The following DCLRE1C variants were observed in gnomAD, a reference collection of about 807,000 sequenced individuals.
The protein encoded by DCLRE1C is protein artemis.
Under a neutral mutation model 61.4 loss-of-function variants are expected in DCLRE1C, and 47 were observed. The observed-to-expected ratio is 0.77, with a 90% CI of 0.61 to 0.98. The LOEUF (loss-of-function observed/expected upper bound fraction) is 0.98. Among genes scored for constraint, DCLRE1C ranks in the 50% least tolerant of loss-of-function variants. DCLRE1C has a pLI of 0.00. For missense variants in DCLRE1C, 858 were observed against 816.0 expected (o/e 1.05, Z -0.63); for synonymous variants, 337 against 287.6 (o/e 1.17, Z -1.74).
At chr10:14,898,856 C>G (rs1833788566) in exon 14 of DCLRE1C, 1 of 196,638 alleles carries the variant, frequency 5.1e-6, no homozygotes, top group African/African-American at 2.3e-5. Context: ...CCATTTGTAA[C>G]TGCATATATA....
chr10:14,950,470 C>T (rs1177885182), intron 1 of DCLRE1C, among the ~76,000 whole-genome samples: 2 of 151,834 alleles, frequency 1.3e-5, no homozygotes, highest in Non-Finnish European at 2.9e-5. Flanking sequence ...ATTTATATGT[C>T]GTGTGGCCAT....
At chr10:14,928,642 C>G (rs538869351) in intron 9 of DCLRE1C, among the ~76,000 whole-genome samples, 1 of 152,238 alleles carries the variant, frequency 6.6e-6, no homozygotes, top group Non-Finnish European at 1.5e-5. Flanking sequence ...GAGCCACAGG[C>G]TGAAGGATTT....
intron 2 of DCLRE1C, 27 bp from the exon 3 acceptor site, chr10:14,945,216 C>T (rs1407448456): frequency 6.3e-7 from 1 of 1,594,452 alleles, no homozygotes; most frequent in Non-Finnish European, 8.6e-7. Flanking sequence ...AAAAAACTTT[C>T]AGTACAATCC....
exon 14 of DCLRE1C, chr10:14,897,628 T>C (rs1788876735): frequency 1.0e-6 from 1 of 952,498 alleles, no homozygotes; most frequent in Non-Finnish European, 1.4e-6. Flanking sequence ...TATTTTCATT[T>C]GCAGATATGT....
chr10:14,910,631 C>CT (rs1835100434), intron 13 of DCLRE1C, among the ~76,000 whole-genome samples: 2 of 152,134 alleles, frequency 1.3e-5, no homozygotes, highest in Admixed American at 1.3e-4. Context: ...TGTATGATCT[C>CT]TAAGTTGAAC....
intron 1 of DCLRE1C, among the ~76,000 whole-genome samples, chr10:14,951,991 G>A (rs2131209055): frequency 6.6e-6 from 1 of 152,320 alleles, no homozygotes; most frequent in Admixed American, 6.5e-5. Context: ...CCCTTGATGA[G>A]TTTATGTCCT....
intron 13 of DCLRE1C, among the ~76,000 whole-genome samples, chr10:14,912,016 A>C (rs985336062): frequency 6.6e-6 from 1 of 152,250 alleles, no homozygotes; most frequent in African/African-American, 2.4e-5. Flanking sequence ...AATGTTTGGC[A>C]GTTCCTTGGA....
chr10:14,925,373 A>G (rs2130814901), intron 11 of DCLRE1C, among the ~76,000 whole-genome samples: 1 of 152,274 alleles, frequency 6.6e-6, no homozygotes, highest in Non-Finnish European at 1.5e-5. Flanking sequence ...ACTCCCTTTT[A>G]TCAAATGCCT....
chr10:14,921,189 G>A (rs1392756770), intron 12 of DCLRE1C, among the ~76,000 whole-genome samples: 44 of 151,900 alleles, frequency 2.9e-4, no homozygotes, highest in Admixed American at 5.9e-4. Flanking sequence ...GCGTGGTCGC[G>A]GGCGCCTGTA....
At chr10:14,929,000 G>A (rs927334538) in intron 9 of DCLRE1C, among the ~76,000 whole-genome samples, 4 of 151,968 alleles carry the variant, frequency 2.6e-5, no homozygotes, top group Non-Finnish European at 5.9e-5. Context: ...GGCTGGTCTC[G>A]AACTCCTGAC....
chr10:14,943,726 T>C (rs1472231387), intron 3 of DCLRE1C, among the ~76,000 whole-genome samples: 1 of 152,156 alleles, frequency 6.6e-6, no homozygotes, highest in Non-Finnish European at 1.5e-5. Context: ...TTTTTGCATT[T>C]TTAGTAGACA....
chr10:14,954,223 C>G (rs1377674626), upstream of DCLRE1C: 8 of 724,078 alleles, frequency 1.1e-5, no homozygotes, highest in East Asian at 2.2e-4. Flanking sequence ...TTAAATCACC[C>G]GCGCTTCGCT....
intron 12 of DCLRE1C, among the ~76,000 whole-genome samples, chr10:14,922,299 G>C (rs1837245266): frequency 6.6e-6 from 1 of 151,876 alleles, no homozygotes. Flanking sequence ...AAATTAGCCG[G>C]GCATGATGGC....
downstream of DCLRE1C, among the ~76,000 whole-genome samples, chr10:14,900,269 AG>A (rs1322397730): frequency 6.6e-6 from 1 of 152,214 alleles, no homozygotes; most frequent in Non-Finnish European, 1.5e-5. Context: ...TCCAAAAATT[AG>A]GGAAGTTAAT....
chr10:14,913,361 T>A (rs1308443911), intron 13 of DCLRE1C, among the ~76,000 whole-genome samples: 1 of 152,224 alleles, frequency 6.6e-6, no homozygotes, highest in Non-Finnish European at 1.5e-5. Flanking sequence ...GTGGAATTGT[T>A]CACCTATAAT....
intron 1 of DCLRE1C, among the ~76,000 whole-genome samples, chr10:14,953,210 TG>T (rs1274516710): frequency 1.3e-5 from 2 of 152,194 alleles, no homozygotes; most frequent in African/African-American, 4.8e-5. Flanking sequence ...GAAGTGAAAA[TG>T]AACAATGGTT....
At chr10:14,928,814 G>A (rs1247687562) in intron 9 of DCLRE1C, among the ~76,000 whole-genome samples, 15 of 141,368 alleles carry the variant, frequency 1.1e-4, no homozygotes, top group South Asian at 2.2e-4. Flanking sequence ...AGACAGTCTC[G>A]CTTTGTCACT....
At position 14,933,942 on chromosome 10, in the gene DCLRE1C, T is replaced by A. The variant is rs368204288; in HGVS notation, c.678+438A>T. On this transcript the variant is annotated intron_variant, in intron 8 of 13. Coordinates refer to ENST00000378278, the MANE Select transcript of DCLRE1C (RefSeq NM_001033855.3). ...GAACCTCTGCTGCAGACACGTCTTG[T>A]TAGGGTGCTTCCATCTGTCCCTGTT... Among the ~76,000 whole-genome samples, 166 of 152,128 alleles carry A rather than the reference T, an allele frequency of 1.1e-3. 1 individual carries two copies. The highest frequency in any genetic ancestry group is 3.6e-3 in the African/African-American group (150 of 41,494).
chr10:14,951,389 CAAAAAAAAAAAAAAAAAAAA>C (rs60272216), intron 1 of DCLRE1C, among the ~76,000 whole-genome samples: 2 of 46,036 alleles, frequency 4.3e-5, no homozygotes, highest in Non-Finnish European at 8.4e-5. Context: ...AACCCTGTCT[CAAAAAAAAAAAAAAAAAAAA>C]AAAAAAAAAA....
Sources: allele counts gnomAD v4.1 joint callset (sites outside exome capture counted in the v4.1 genomes callset), GRCh38; gene constraint gnomAD v4.1.1; transcripts MANE v1.5; gene names NCBI Gene and HGNC (gene_info 2026-07-23, HGNC 2026-07-21).